CREG2: variants seen among roughly 807,000 people sequenced by gnomAD.
CREG2 encodes the protein protein CREG2.
A neutral mutation model predicts 26.2 loss-of-function variants in CREG2; 24 were observed. The ratio of observed to expected loss-of-function variants is 0.92; its 90% confidence interval spans 0.66 to 1.29. CREG2 has a LOEUF of 1.29. Among genes scored for constraint, CREG2 ranks in the 50% most tolerant of loss-of-function variants. CREG2 has a pLI of 0.00. For synonymous variants in CREG2, 174 were observed against 169.2 expected (o/e 1.03, Z -0.22); for missense variants, 366 against 398.6 (o/e 0.92, Z 0.70).
At chr2:101,351,962 C>T (rs988728909) in intron 3 of CREG2, among the ~76,000 whole-genome samples, 13 of 151,948 alleles carry the variant, frequency 8.6e-5, no homozygotes, top group Non-Finnish European at 1.3e-4. Context: ...CATAGCTCAC[C>T]GCAGCCTCGA....
rs1420761502 is a variant in CREG2, at chr2:101,347,803, G to A, written c.*3120C>T. On this transcript the variant is annotated 3_prime_UTR_variant, in exon 4 of 4. Coordinates refer to ENST00000324768, the MANE Select transcript of CREG2 (RefSeq NM_153836.4). ...CGGCCTTTTAACATGGTCTTTTGCA[G>A]AACAAATGTTTTAAATTCTGATGAA... 1.3e-5 allele frequency: 2 copies of A among 152,126 alleles called. No individual in the cohort carries two copies. Among genetic ancestry groups the A allele is most frequent in the Non-Finnish European group, 2.9e-5 (2 of 68,032 alleles). The allele number at this position is 152,126 out of a possible 1,614,324, so 9.4% of individuals were successfully genotyped here.
intron 2 of CREG2, among the ~76,000 whole-genome samples, chr2:101,356,336 C>T (rs558372624): frequency 6.6e-5 from 10 of 152,186 alleles, no homozygotes; most frequent in East Asian, 1.9e-4. Flanking sequence ...TTAGGGCTGC[C>T]GGTCCAGGCT....
intron 2 of CREG2, among the ~76,000 whole-genome samples, chr2:101,361,181 T>C (rs1029467184): frequency 6.6e-5 from 10 of 152,214 alleles, no homozygotes; most frequent in African/African-American, 2.2e-4. Flanking sequence ...GGAGATTATA[T>C]ATTTTAAAAG....
chr2:101,355,663 G>C (rs1684446435), intron 2 of CREG2, among the ~76,000 whole-genome samples: 1 of 150,806 alleles, frequency 6.6e-6, no homozygotes, highest in Non-Finnish European at 1.5e-5. Context: ...AATTGAGACG[G>C]GAAAGTTCCC....
rs1684917699 is a variant in CREG2, at chr2:101,383,650, T to C, written c.494A>G (p.Asn165Ser). The C allele has an allele frequency of 1.9e-6, 3 of 1,613,834 alleles. No individual in the cohort carries two copies. Among genetic ancestry groups the C allele is most frequent in the East Asian group, 2.2e-5 (1 of 44,886 alleles). ...GAAGAAAGGAATCCCAGTGCTATTG[T>C]TGAAGGGGCCATCACTGACGGGCAG... ...NCLPVSDGPFNNSTGIPFFYM... is the reference protein window; with the variant it reads ...NCLPVSDGPFSNSTGIPFFYM... The change falls in exon 2 of 4, where the codon AAC becomes AGC. Residue 165 changes from asparagine to serine, a missense_variant. Coordinates refer to ENST00000324768, the MANE Select transcript of CREG2 (RefSeq NM_153836.4).
chr2:101,380,080 C>T (rs960976641), intron 2 of CREG2, among the ~76,000 whole-genome samples: 62 of 148,514 alleles, frequency 4.2e-4, no homozygotes, highest in African/African-American at 1.5e-3. Flanking sequence ...ATTCATCTAT[C>T]TATTCATCCA....
intron 2 of CREG2, among the ~76,000 whole-genome samples, chr2:101,380,000 T>TATCC (rs1208723138): frequency 1.3e-5 from 2 of 150,306 alleles, no homozygotes; most frequent in East Asian, 3.9e-4. Flanking sequence ...TCTATCTATC[T>TATCC]ATCTATCTAT....
Position 101,359,061 on chromosome 2 carries a change from AAAAAAAAAAAAG to A in CREG2, c.612-3707_612-3696del, listed in dbSNP as rs1157824019. 1.7e-3 allele frequency among the ~76,000 whole-genome samples: 26 copies of A among 14,988 alleles called. 3 individuals carry two copies. The highest frequency in any genetic ancestry group is 2.4e-3 in the Admixed American group (3 of 1,248). The allele number at this position is 14,988 out of a possible 152,430, so 9.8% of individuals were successfully genotyped here. A position where few individuals can be genotyped will look rare whatever the true frequency, so the allele number is the denominator to read the frequency against. On this transcript the variant is annotated intron_variant, in intron 2 of 3. Transcript: ENST00000324768. The stretch of plus-strand genomic sequence containing the variant: ...AAAAAAAAAAAAAAAAAAAAAAAAA[AAAAAAAAAAAAG>A]AGAGAACTGAGGCAAGTTTTAGAGC...
At chr2:101,362,294 A>G (rs1413025219) in intron 2 of CREG2, among the ~76,000 whole-genome samples, 5 of 152,136 alleles carry the variant, frequency 3.3e-5, no homozygotes, top group Non-Finnish European at 7.4e-5. Flanking sequence ...CAGACACCAC[A>G]GGAGAGAGGG....
In CREG2 at chr2:101,387,104, C is replaced by T. The variant is rs943310709; in HGVS notation, c.354G>A (p.Pro118=). 13 of 1,242,952 alleles carry T rather than the reference C, an allele frequency of 1.0e-5. No individual in the cohort carries two copies. The highest frequency in any genetic ancestry group is 1.6e-5 in the African/African-American group (1 of 64,336). 77.0% of individuals were successfully genotyped at this position (1,242,952 alleles called of 1,614,324 possible). The part of the protein sequence containing the change: ...REGGQTASAP[P]GPRLRAATAR... ...CGGTGGCGGCGCGCAGTCTAGGGCC[C>T]GGGGGCGCACTGGCCGTCTGGCCGC... The change falls in exon 1 of 4, where the codon CCG becomes CCA. Residue 118 remains proline (P), a synonymous_variant. Transcript: ENST00000324768. The surrounding 1 kb of genome is among the most constrained non-coding windows in gnomAD (Gnocchi z 4.7).
intron 3 of CREG2, among the ~76,000 whole-genome samples, chr2:101,353,100 G>T (rs1573300257): frequency 6.6e-6 from 1 of 152,212 alleles, no homozygotes; most frequent in Admixed American, 6.5e-5. Context: ...TTTTGATGGG[G>T]TTGTTTGTTT....
intron 2 of CREG2, among the ~76,000 whole-genome samples, chr2:101,358,108 C>G (rs1389309333): frequency 6.6e-6 from 1 of 152,144 alleles, no homozygotes; most frequent in African/African-American, 2.4e-5. Flanking sequence ...ATTCTCCTGC[C>G]TGTTTCCCAA....
chr2:101,356,531 T>C (rs2104471055), intron 2 of CREG2, among the ~76,000 whole-genome samples: 1 of 152,336 alleles, frequency 6.6e-6, no homozygotes, highest in African/African-American at 2.4e-5. Flanking sequence ...AGGGTAGATC[T>C]CATGTCAGGT....
rs528173223 is a variant in CREG2, at chr2:101,350,632, C to G, written c.*291G>C. 1.8e-5 allele frequency: 5 copies of G among 276,562 alleles called. No individual in the cohort carries two copies. Among genetic ancestry groups the G allele is most frequent in the Non-Finnish European group, 3.4e-5 (5 of 148,778 alleles). 17.1% of individuals were successfully genotyped at this position (276,562 alleles called of 1,614,324 possible). A position where few individuals can be genotyped will look rare whatever the true frequency, so the allele number is the denominator to read the frequency against. On this transcript the variant is annotated 3_prime_UTR_variant, in exon 4 of 4. Transcript: ENST00000324768. ...TGAAACAACAATGATCTCAACATGT[C>G]ATTTTGACCACCAGCTATTATATGA...
chr2:101,370,394 CTT>C (rs1684686114), intron 2 of CREG2, among the ~76,000 whole-genome samples: 2 of 152,112 alleles, frequency 1.3e-5, no homozygotes, highest in Non-Finnish European at 2.9e-5. Context: ...GTGCTCAAAA[CTT>C]TACACAAATT....
At chr2:101,356,098 C>T (rs989280968) in intron 2 of CREG2, among the ~76,000 whole-genome samples, 3 of 152,120 alleles carry the variant, frequency 2.0e-5, no homozygotes, top group Admixed American at 6.5e-5. Context: ...GTGATCTTTC[C>T]CTGAGGCCTG....
At position 101,349,438 on chromosome 2, in the gene CREG2, T is replaced by G. The variant is rs1684345938; in HGVS notation, c.*1485A>C. 1 of 152,672 alleles carries G rather than the reference T, an allele frequency of 6.5e-6. No homozygotes were observed. Among genetic ancestry groups the G allele is most frequent in the African/African-American group, 2.4e-5 (1 of 41,456 alleles). The allele number at this position is 152,672 out of a possible 1,614,324, so 9.5% of individuals were successfully genotyped here. A position where few individuals can be genotyped will look rare whatever the true frequency, so the allele number is the denominator to read the frequency against. Reference sequence around the variant, plus strand: ...TTGTTAAGCAAAAGTTCATAATCATTAATAACACTCTTATTTACTTGAAAA... The same window carrying G: ...TTGTTAAGCAAAAGTTCATAATCATGAATAACACTCTTATTTACTTGAAAA... On this transcript the variant is annotated 3_prime_UTR_variant, in exon 4 of 4. Coordinates refer to ENST00000324768, the MANE Select transcript of CREG2 (RefSeq NM_153836.4).
At chr2:101,382,978 C>A in intron 2 of CREG2, 2 of 985,826 alleles carry the variant, frequency 2.0e-6, no homozygotes, top group Non-Finnish European at 2.4e-6. Flanking sequence ...AAGGGGCCTG[C>A]ATCAATGTTC....
intron 2 of CREG2, among the ~76,000 whole-genome samples, chr2:101,381,780 C>T (rs1199764191): frequency 4.6e-5 from 7 of 152,334 alleles, no homozygotes; most frequent in Admixed American, 2.0e-4. Context: ...CGAGCTGCCT[C>T]ACCCAGTTAG....
Sources: allele counts gnomAD v4.1 joint callset (sites outside exome capture counted in the v4.1 genomes callset), GRCh38; gene constraint gnomAD v4.1.1; non-coding constraint Gnocchi (gnomAD v3.1); transcripts MANE v1.5; gene names NCBI Gene and HGNC (gene_info 2026-07-23, HGNC 2026-07-21).